ARRB1: variants seen among roughly 807,000 people sequenced by gnomAD.
ARRB1 encodes arrestin beta 1.
ARRB1 carries 21 observed loss-of-function variants against 56.8 expected under a neutral mutation model. The observed-to-expected ratio is 0.37, with a 90% CI of 0.26 to 0.53. The LOEUF (loss-of-function observed/expected upper bound fraction) is 0.53. ARRB1 is among the 20% of genes least tolerant of loss of function. The pLI is 0.88. For synonymous variants in ARRB1, 210 were observed against 218.6 expected (o/e 0.96, Z 0.35); for missense variants, 424 against 553.7 (o/e 0.77, Z 2.35).
At chr11:75,325,605 G>A (rs549068272) in intron 1 of ARRB1, among the ~76,000 whole-genome samples, 44 of 152,336 alleles carry the variant, frequency 2.9e-4, no homozygotes, top group African/African-American at 1.1e-3. Flanking sequence ...TTATAGGCGT[G>A]AGCCACCATG....
chr11:75,348,119 C>T (rs566008548), intron 1 of ARRB1, among the ~76,000 whole-genome samples: 1 of 152,344 alleles, frequency 6.6e-6, no homozygotes, highest in Non-Finnish European at 1.5e-5. Flanking sequence ...CTTAGCCTGA[C>T]ATTCCCAGAC....
chr11:75,331,610 A>G (rs1947520560), intron 1 of ARRB1, among the ~76,000 whole-genome samples: 1 of 123,424 alleles, frequency 8.1e-6, no homozygotes, highest in African/African-American at 3.1e-5. Context: ...CCTGCCCGCC[A>G]GAGAACAACC....
At chr11:75,281,809 G>A (rs1009429908) in intron 6 of ARRB1, 153 bp downstream of exon 6, 3 of 727,302 alleles carry the variant, frequency 4.1e-6, no homozygotes, top group African/African-American at 1.8e-5. Context: ...AGAGAGACTG[G>A]TTGTCCAAGG....
chr11:75,271,786 A>G, intron 12 of ARRB1, 62 bp from the exon 13 acceptor site: 1 of 1,518,582 alleles, frequency 6.6e-7, no homozygotes, highest in Non-Finnish European at 8.9e-7. Context: ...GAAGAAAACA[A>G]AAAGCACATT....
At chr11:75,346,607 C>T (rs767186149) in intron 1 of ARRB1, among the ~76,000 whole-genome samples, 8 of 152,184 alleles carry the variant, frequency 5.3e-5, no homozygotes, top group Non-Finnish European at 1.0e-4. Context: ...CCCATGCCAC[C>T]AGCTAATGCC....
chr11:75,316,246 G>A (rs964730496), intron 1 of ARRB1, among the ~76,000 whole-genome samples: 3 of 151,666 alleles, frequency 2.0e-5, no homozygotes, highest in Non-Finnish European at 4.4e-5. Flanking sequence ...AGAATTGCTT[G>A]AACCCGGGAG....
intron 1 of ARRB1, among the ~76,000 whole-genome samples, chr11:75,333,760 C>T (rs1947556111): frequency 6.6e-6 from 1 of 152,180 alleles, no homozygotes. Flanking sequence ...GATCTGAAAC[C>T]TAGCCGGACA....
At chr11:75,343,735 G>C (rs1290140485) in intron 1 of ARRB1, among the ~76,000 whole-genome samples, 2 of 152,032 alleles carry the variant, frequency 1.3e-5, no homozygotes, top group Non-Finnish European at 2.9e-5. Context: ...TCAGATCACC[G>C]AAGGGCCTGC....
chr11:75,303,212 G>A (rs1005916831), intron 1 of ARRB1, among the ~76,000 whole-genome samples: 3 of 152,090 alleles, frequency 2.0e-5, no homozygotes, highest in Non-Finnish European at 2.9e-5. Context: ...ATGTTGGCCA[G>A]GCTGGTCTCA....
At chr11:75,285,037 G>A (rs512797) in intron 3 of ARRB1, among the ~76,000 whole-genome samples, 19,440 of 152,200 alleles carry the variant, frequency 0.13, 1,726 homozygotes, top group Non-Finnish European at 0.18. Context: ...TTCTCACCAA[G>A]AGGCTAAATA....
chr11:75,268,377 C>T (rs994973139), intron 14 of ARRB1, among the ~76,000 whole-genome samples: 36 of 151,982 alleles, frequency 2.4e-4, no homozygotes, highest in African/African-American at 7.0e-4. Context: ...TGGCGGCAGC[C>T]GCCTGTAATC....
chr11:75,284,317 C>T (rs1946424473), intron 3 of ARRB1, 38 bp from the exon 4 acceptor site: 6 of 1,579,702 alleles, frequency 3.8e-6, no homozygotes, highest in Non-Finnish European at 5.2e-6. Flanking sequence ...CTCTCCCAAC[C>T]TGGTCTCCCA....
chr11:75,287,476 C>A, intron 2 of ARRB1, 101 bp from the exon 3 acceptor site: 2 of 1,215,290 alleles, frequency 1.6e-6, no homozygotes, highest in Admixed American at 2.1e-5. Context: ...AAACTCCAGA[C>A]CCATCCCTAA....
chr11:75,351,457 G>T, intron 1 of ARRB1, 131 bp downstream of exon 1: 1 of 1,361,300 alleles, frequency 7.3e-7, no homozygotes, highest in Non-Finnish European at 9.7e-7. Flanking sequence ...GAGACCTCGG[G>T]TGGAGGAGAG....
intron 1 of ARRB1, among the ~76,000 whole-genome samples, chr11:75,336,601 C>T (rs1036131577): frequency 6.6e-6 from 1 of 152,180 alleles, no homozygotes; most frequent in Non-Finnish European, 1.5e-5. Flanking sequence ...TGAGGGGTTT[C>T]CTGAGATGCG....
chr11:75,288,469 C>T (rs935116008), intron 2 of ARRB1, among the ~76,000 whole-genome samples: 1 of 152,156 alleles, frequency 6.6e-6, no homozygotes, highest in African/African-American at 2.4e-5. Context: ...CCTTGTGACT[C>T]GATCGCCATC....
intron 1 of ARRB1, among the ~76,000 whole-genome samples, chr11:75,318,060 G>A (rs1947291031): frequency 6.6e-6 from 1 of 151,950 alleles, no homozygotes; most frequent in African/African-American, 2.4e-5. Context: ...TCACTGGAAG[G>A]GCTTGTTAAA....
rs200753370 is a variant in ARRB1, at chr11:75,263,740, GA to G, written c.*2422del. The stretch of plus-strand genomic sequence containing the variant: ...GCCTTGTGCAGTCCTGGCTCCAGGA[GA>G]AAAAAAAAAAAAAAAGATAGTGCTC... On this transcript the variant is annotated 3_prime_UTR_variant, in exon 16 of 16. Coordinates refer to ENST00000420843, the MANE Select transcript of ARRB1 (RefSeq NM_004041.5). 0.064 allele frequency among the ~76,000 whole-genome samples: 7,538 copies of G among 117,888 alleles called. 407 individuals carry two copies. The highest frequency in any genetic ancestry group is 0.33 in the East Asian group (1,447 of 4,408). The allele number at this position is 117,888 out of a possible 152,430, so 77.3% of individuals were successfully genotyped here.
chr11:75,315,876 G>T (rs762649427), intron 1 of ARRB1, among the ~76,000 whole-genome samples: 3 of 152,216 alleles, frequency 2.0e-5, no homozygotes, highest in Non-Finnish European at 1.5e-5. Context: ...CTCAGAGAGA[G>T]ACCTCAAGAC....
Sources: allele counts gnomAD v4.1 joint callset (sites outside exome capture counted in the v4.1 genomes callset), GRCh38; gene constraint gnomAD v4.1.1; transcripts MANE v1.5; gene names NCBI Gene and HGNC (gene_info 2026-07-23, HGNC 2026-07-21).